The following TEX26 variants were observed in gnomAD, a reference collection of about 807,000 sequenced individuals.
TEX26 encodes the protein testis-expressed protein 26.
In TEX26, 34 loss-of-function variants were observed where a neutral mutation model predicts 35.3. That is an observed-to-expected ratio of 0.96 (90% confidence interval 0.73 to 1.28). The LOEUF (loss-of-function observed/expected upper bound fraction) is 1.28. Ranked by LOEUF, TEX26 falls within the 50% of genes most tolerant of loss-of-function variation. The pLI is 0.00. For missense variants in TEX26, 371 were observed against 330.1 expected, an observed-to-expected ratio of 1.12 and a Z score of -0.96; for synonymous variants, 136 against 111.8, an observed-to-expected ratio of 1.22 and a Z score of -1.36.
chr13:30,941,523 A>T lies in TEX26; in HGVS notation c.146+1745A>T, dbSNP rs145611483. On this transcript the variant is annotated intron_variant, in intron 2 of 6. Transcript: ENST00000380473. ...TTTTTATTTCAATAGCTTTTGCGGT[A>T]CAGGTGGTTTTTGGTTACATGGGTG... 2.3e-3 allele frequency among the ~76,000 whole-genome samples: 347 copies of T among 152,330 alleles called. 5 individuals are homozygous for T. The highest frequency in any genetic ancestry group is 8.1e-3 in the African/African-American group (337 of 41,572).
At chr13:30,972,833 G>T (rs1369531675) in intron 6 of TEX26, among the ~76,000 whole-genome samples, 1 of 152,130 alleles carries the variant, frequency 6.6e-6, no homozygotes, top group Non-Finnish European at 1.5e-5. Flanking sequence ...GGCAGGGTTT[G>T]GCCATGTTGG....
chr13:30,968,801 A>G (rs1020080745), intron 5 of TEX26, 84 bp from the exon 6 acceptor site: 2 of 1,341,784 alleles, frequency 1.5e-6, no homozygotes, highest in African/African-American at 2.9e-5. Flanking sequence ...GGGGGCTGTC[A>G]GGGTCATTTT....
rs869246492 is a variant in TEX26, at chr13:30,940,322, C to CT, written c.146+573dup. On this transcript the variant is annotated intron_variant, in intron 2 of 6. Transcript: ENST00000380473. ...GTGGGAGTTTCTAAACATCAGCTGC[C>CT]TTTTTTTTTTTTTTTTTTTTTTTTT... 7.0e-3 allele frequency among the ~76,000 whole-genome samples: 362 copies of CT among 52,058 alleles called. 65 individuals are homozygous for CT. The highest frequency in any genetic ancestry group is 0.019 in the African/African-American group (246 of 13,024). The allele number at this position is 52,058 out of a possible 152,430, so 34.2% of individuals were successfully genotyped here.
At chr13:30,965,410 G>T (rs1189002038) in intron 4 of TEX26, among the ~76,000 whole-genome samples, 4 of 152,196 alleles carry the variant, frequency 2.6e-5, no homozygotes, top group African/African-American at 9.7e-5. Context: ...TGAGTTCAGT[G>T]TCAATAGTAA....
intron 2 of TEX26, among the ~76,000 whole-genome samples, chr13:30,946,088 A>T (rs190298497): frequency 6.6e-6 from 1 of 151,900 alleles, no homozygotes; most frequent in Non-Finnish European, 1.5e-5. Context: ...CAGAACACCA[A>T]TTATTCTTAG....
chr13:30,957,584 T>G (rs1954185321), intron 4 of TEX26, among the ~76,000 whole-genome samples: 1 of 152,056 alleles, frequency 6.6e-6, no homozygotes. Flanking sequence ...GAGTGAAGAA[T>G]GGAGATGGCC....
chr13:30,967,752 T>G (rs1275772192), intron 5 of TEX26, among the ~76,000 whole-genome samples: 1 of 152,228 alleles, frequency 6.6e-6, no homozygotes, highest in East Asian at 1.9e-4. Context: ...ATTCTATTAT[T>G]TTTTTCATGA....
chr13:30,974,131 A>AAT (rs1555271791), intron 6 of TEX26, among the ~76,000 whole-genome samples: 2,617 of 84,320 alleles, frequency 0.031, 96 homozygotes, highest in Middle Eastern at 0.096. Flanking sequence ...AAAAAAAAAA[A>AAT]ATATATATAT....
chr13:30,956,759 G>A (rs1462244104), intron 3 of TEX26, 114 bp from the exon 4 acceptor site: 3 of 952,868 alleles, frequency 3.1e-6, no homozygotes, highest in Non-Finnish European at 4.7e-6. Context: ...TGCACCTGCA[G>A]TGGCAGCTGG....
At chr13:30,934,302 G>C (rs11839082) in intron 1 of TEX26, among the ~76,000 whole-genome samples, 2,833 of 152,308 alleles carry the variant, frequency 0.019, 39 homozygotes, top group African/African-American at 0.038. Context: ...ACTGCTGGGA[G>C]AGTCACCCTC....
chr13:30,963,346 A>G (rs1451566230), intron 4 of TEX26, among the ~76,000 whole-genome samples: 1 of 152,124 alleles, frequency 6.6e-6, no homozygotes, highest in Non-Finnish European at 1.5e-5. Flanking sequence ...ACTCATGGTT[A>G]TTATTTTTGT....
At chr13:30,968,078 G>A (rs905926530) in intron 5 of TEX26, among the ~76,000 whole-genome samples, 4 of 152,196 alleles carry the variant, frequency 2.6e-5, no homozygotes, top group Admixed American at 1.3e-4. Context: ...TTTACCCTCT[G>A]AAGGTTTGCT....
chr13:30,973,301 A>C (rs1038383010), intron 6 of TEX26: 2 of 152,220 alleles, frequency 1.3e-5, no homozygotes, highest in African/African-American at 2.4e-5. Flanking sequence ...GTATGATTTC[A>C]TTTATTTGAA....
chr13:30,951,215 C>T (rs1262539464), intron 2 of TEX26, among the ~76,000 whole-genome samples: 1 of 151,804 alleles, frequency 6.6e-6, no homozygotes, highest in Non-Finnish European at 1.5e-5. Context: ...ATCAGCTGGG[C>T]ATGGTGGTAC....
At chr13:30,944,896 G>T (rs1297064262) in intron 2 of TEX26, among the ~76,000 whole-genome samples, 1 of 152,008 alleles carries the variant, frequency 6.6e-6, no homozygotes, top group African/African-American at 2.4e-5. Flanking sequence ...CCCATGTGCT[G>T]ATGAGAAAAA....
chr13:30,939,880 C>T (rs906947665), intron 2 of TEX26, 102 bp downstream of exon 2: 10 of 1,053,490 alleles, frequency 9.5e-6, no homozygotes, highest in Non-Finnish European at 1.3e-5. Flanking sequence ...AGAGAAGCTT[C>T]GTAAAAATGC....
At chr13:30,934,438 G>A (rs978104378) in intron 1 of TEX26, among the ~76,000 whole-genome samples, 24 of 152,160 alleles carry the variant, frequency 1.6e-4, no homozygotes, top group African/African-American at 5.3e-4. Flanking sequence ...TGTTGTATTA[G>A]TTTCCTGTGG....
Position 30,952,753 on chromosome 13 carries a change from A to C in TEX26, c.240A>C (p.Ser80=), listed in dbSNP as rs1404932003. Residue 80 remains serine, a synonymous_variant, in exon 3 of 7, where the codon TCA becomes TCC. Coordinates refer to ENST00000380473, the MANE Select transcript of TEX26 (RefSeq NM_152325.3). ...ATAGTGATGAGTACACTTGGAAATCACACTCTAAAGAAGATTTGATCAAAA... is the reference window on the plus strand; with the variant it reads ...ATAGTGATGAGTACACTTGGAAATCCCACTCTAAAGAAGATTTGATCAAAA... ...TQYSDEYTWK[S]HSKEDLIKTE... The C allele has an allele frequency of 3.1e-6, 5 of 1,613,168 alleles. No individual in the cohort carries two copies. The East Asian group carries it at 1.1e-4, about 36-fold the overall frequency.
chr13:30,975,193 C>A lies in TEX26; in HGVS notation c.*286C>A. The A allele has an allele frequency of 4.8e-6, 1 of 207,496 alleles. No homozygotes were observed. Among genetic ancestry groups the A allele is most frequent in the Non-Finnish European group, 9.5e-6 (1 of 105,076 alleles). The allele number at this position is 207,496 out of a possible 1,614,324, so 12.9% of individuals were successfully genotyped here. ...ATTTGTAGTTTCAATTTTGATTTCT[C>A]CTGTGAACTAGGAATTATGTGGAAG... is the stretch of plus-strand genomic sequence containing the variant. On this transcript the variant is annotated 3_prime_UTR_variant, in exon 7 of 7. Coordinates refer to ENST00000380473, the MANE Select transcript of TEX26 (RefSeq NM_152325.3).
Sources: allele counts gnomAD v4.1 joint callset (sites outside exome capture counted in the v4.1 genomes callset), GRCh38; gene constraint gnomAD v4.1.1; transcripts MANE v1.5; gene names NCBI Gene and HGNC (gene_info 2026-07-23, HGNC 2026-07-21).